The following ATG14 variants were observed in gnomAD, a reference collection of about 807,000 sequenced individuals.
The protein encoded by ATG14 is beclin 1-associated autophagy-related key regulator.
Under a neutral mutation model 60.4 loss-of-function variants are expected in ATG14, and 35 were observed. The observed-to-expected ratio is 0.58, with a 90% CI of 0.44 to 0.77. The LOEUF (loss-of-function observed/expected upper bound fraction) is 0.77. Among genes scored for constraint, ATG14 ranks in the 30% least tolerant of loss-of-function variants. ATG14 has a pLI of 0.00. For synonymous variants in ATG14, 234 were observed against 228.8 expected (o/e 1.02, Z -0.21); for missense variants, 647 against 626.3 (o/e 1.03, Z -0.35).
chr14:55,385,421 T>C (rs1476709345), intron 5 of ATG14, among the ~76,000 whole-genome samples: 1 of 152,142 alleles, frequency 6.6e-6, no homozygotes, highest in Non-Finnish European at 1.5e-5. Context: ...GCCACCTGAG[T>C]AGCTGGGACT....
intron 5 of ATG14, among the ~76,000 whole-genome samples, chr14:55,384,428 C>A (rs1265091334): frequency 6.6e-6 from 1 of 152,216 alleles, no homozygotes; most frequent in Admixed American, 6.5e-5. Context: ...AATTTACAGA[C>A]CTTATTCACC....
At chr14:55,397,103 G>A (rs1284959099) in intron 2 of ATG14, among the ~76,000 whole-genome samples, 5 of 152,130 alleles carry the variant, frequency 3.3e-5, no homozygotes, top group Non-Finnish European at 5.9e-5. Flanking sequence ...GACTGTCCTG[G>A]ACCCACACAT....
chr14:55,411,687 A>G lies in ATG14; in HGVS notation c.136T>C (p.Cys46Arg). ...LYVAVERCPL[C>R]NTTRRRLTCA... ...GTCAGCCGCCGGCGGGTAGTGTTGC[A>G]CAGCGGGCAGCGCTCCACAGCCACG... Residue 46 changes from cysteine (C) to arginine (R), a missense_variant, in exon 1 of 10, where the codon TGC becomes CGC. Physicochemically the swap from Cys to Arg is radical, Grantham distance 180. Transcript: ENST00000247178. 1 of 1,613,204 alleles carries G rather than the reference A, an allele frequency of 6.2e-7. No homozygotes were observed. Among genetic ancestry groups the G allele is most frequent in the African/African-American group, 1.3e-5 (1 of 75,048 alleles).
chr14:55,411,706 A>G lies in ATG14; in HGVS notation c.117T>C (p.Ala39=), dbSNP rs754892262. The change falls in exon 1 of 10, where the codon GCT becomes GCC. Residue 39 remains alanine, a synonymous_variant. Transcript: ENST00000247178. ...TGTTGCACAGCGGGCAGCGCTCCAC[A>G]GCCACGTACAGCCCCTCCGCATCGT... is the stretch of plus-strand genomic sequence containing the variant. The part of the protein sequence containing the change: ...SVDDAEGLYV[A]VERCPLCNTT... 1.2e-6 allele frequency: 2 copies of G among 1,612,634 alleles called. No individual in the cohort carries two copies. The highest frequency in any genetic ancestry group is 2.2e-5 in the South Asian group (2 of 90,858).
Position 55,367,819 on chromosome 14 carries a change from T to A in ATG14, c.*1800A>T, listed in dbSNP as rs559672610. ...ATGGAAAATTCATAGAGCCAAGGAA[T>A]TTGTGACTACCGGATAGAAATAAAC... On this transcript the variant is annotated 3_prime_UTR_variant, in exon 10 of 10. Transcript: ENST00000247178. 9 of 151,770 alleles carry A rather than the reference T, an allele frequency of 5.9e-5. No individual in the cohort carries two copies. The highest frequency in any genetic ancestry group is 2.9e-5 in the Non-Finnish European group (2 of 67,986). 9.4% of individuals were successfully genotyped at this position (151,770 alleles called of 1,614,324 possible).
In ATG14 at chr14:55,369,711, G is replaced by A; in HGVS notation, c.1387C>T (p.Pro463Ser). 1 of 1,610,894 alleles carries A rather than the reference G, an allele frequency of 6.2e-7. No homozygotes were observed. Among genetic ancestry groups the A allele is most frequent in the Non-Finnish European group, 8.5e-7 (1 of 1,177,764 alleles). ...VSQSQSTQAS[P>S]PIASSSAGGM... Reference sequence around the variant, plus strand: ...CCTGCACTGCTGCTCGCGATGGGTGGGGACGCCTGGGTGCTCTGACTCTGG... The same window carrying A: ...CCTGCACTGCTGCTCGCGATGGGTGAGGACGCCTGGGTGCTCTGACTCTGG... The change falls in exon 10 of 10, where the codon CCA becomes TCA. Residue 463 changes from proline (P) to serine (S), a missense_variant. Transcript: ENST00000247178.
chr14:55,378,601 G>GCCTCCCTCCCTT (rs1251620114), intron 7 of ATG14, among the ~76,000 whole-genome samples: 8 of 151,960 alleles, frequency 5.3e-5, no homozygotes, highest in African/African-American at 1.9e-4. Context: ...CTTGCTTGCT[G>GCCTCCCTCCCTT]CCTCCCTCCC....
At chr14:55,397,220 T>G in intron 2 of ATG14, 152 bp downstream of exon 2, 1 of 724,232 alleles carries the variant, frequency 1.4e-6, no homozygotes, top group Non-Finnish European at 2.4e-6. Flanking sequence ...CTGCTTTACC[T>G]CTCCCACATG....
At chr14:55,381,072 C>T (rs963504005) in intron 6 of ATG14, among the ~76,000 whole-genome samples, 1 of 151,876 alleles carries the variant, frequency 6.6e-6, no homozygotes, top group African/African-American at 2.4e-5. Context: ...TTCCTCTGTA[C>T]CCCATCCTGC....
In ATG14 at chr14:55,385,854, T is replaced by G. The variant is rs773204955; in HGVS notation, c.647+5A>C. On this transcript the variant is annotated splice_donor_5th_base_variant and intron_variant, in intron 5 of 9. Transcript: ENST00000247178. ...TCCTGGAGTCAAAAGACTTGCTTAA[T>G]GTACCTCACACCCGTCTTTACTTCC... 1 of 1,599,894 alleles carries G rather than the reference T, an allele frequency of 6.3e-7. No homozygotes were observed.
At chr14:55,374,921 A>T (rs1884889798) in intron 9 of ATG14, among the ~76,000 whole-genome samples, 1 of 152,246 alleles carries the variant, frequency 6.6e-6, no homozygotes, top group Admixed American at 6.5e-5. Context: ...TTTTAAATGG[A>T]CCAACCCCAT....
chr14:55,379,758 G>A (rs980636531), intron 7 of ATG14, among the ~76,000 whole-genome samples: 1 of 152,142 alleles, frequency 6.6e-6, no homozygotes, highest in African/African-American at 2.4e-5. Flanking sequence ...GTCTCATTCC[G>A]TCACTCAGGC....
intron 3 of ATG14, chr14:55,394,840 C>G (rs1000404609): frequency 3.2e-6 from 1 of 310,328 alleles, no homozygotes; most frequent in Admixed American, 4.2e-5. Flanking sequence ...CCCCCAACTA[C>G]GGAATGCTAA....
At chr14:55,398,368 A>C (rs1004254961) in intron 1 of ATG14, among the ~76,000 whole-genome samples, 3 of 152,154 alleles carry the variant, frequency 2.0e-5, no homozygotes, top group African/African-American at 7.2e-5. Context: ...ACTCAGGTCA[A>C]TTTTAAACTT....
chr14:55,411,752 C>G lies in ATG14; in HGVS notation c.71G>C (p.Arg24Pro), dbSNP rs769153270. 2 of 1,608,374 alleles carry G rather than the reference C, an allele frequency of 1.2e-6. No homozygotes were observed. Among genetic ancestry groups the G allele is most frequent in the Non-Finnish European group, 1.7e-6 (2 of 1,177,922 alleles). ...ATCGTCCACGGAGTCCACCAGGTCCCGGGCGAGCGGCCGGGGCCCGCAGCC... is the reference window on the plus strand; with the variant it reads ...ATCGTCCACGGAGTCCACCAGGTCCGGGGCGAGCGGCCGGGGCCCGCAGCC... ...APGCGPRPLA[R>P]DLVDSVDDAE... The change falls in exon 1 of 10, where the codon CGG (arginine) becomes CCG (proline). Residue 24 changes from arginine (R) to proline (P), a missense_variant. By Grantham distance (103) the Arg-to-Pro change is moderately radical. Transcript: ENST00000247178.
At chr14:55,379,577 T>C (rs988150979) in intron 7 of ATG14, among the ~76,000 whole-genome samples, 1 of 152,082 alleles carries the variant, frequency 6.6e-6, no homozygotes, top group African/African-American at 2.4e-5. Context: ...TTTAATTTTT[T>C]AAAAAAATTA....
At chr14:55,382,816 TA>T (rs1566579751) in intron 5 of ATG14, among the ~76,000 whole-genome samples, 1 of 152,204 alleles carries the variant, frequency 6.6e-6, no homozygotes. Context: ...TCTACGTGTT[TA>T]AAACACTTTG....
At chr14:55,390,334 G>A (rs1295279759) in intron 4 of ATG14, among the ~76,000 whole-genome samples, 1 of 152,022 alleles carries the variant, frequency 6.6e-6, no homozygotes. Context: ...GCCTCCCAAA[G>A]TGCTGGGATT....
Position 55,410,259 on chromosome 14 carries a change from G to GTA in ATG14, c.221+1342_221+1343insTA, listed in dbSNP as rs912510415. Among the ~76,000 whole-genome samples the GTA allele has an allele frequency of 1.1e-4, 17 of 152,330 alleles. No individual in the cohort carries two copies. In the Middle Eastern group the frequency reaches 0.01, roughly 91 times the overall value. ...AAGCAGCTGTTTTCTGGACTTTAGA[G>GTA]AAGACTAGGTTGGAGATACAAGTCT... On this transcript the variant is annotated intron_variant, in intron 1 of 9. Transcript: ENST00000247178.
Sources: allele counts gnomAD v4.1 joint callset (sites outside exome capture counted in the v4.1 genomes callset), GRCh38; gene constraint gnomAD v4.1.1; transcripts MANE v1.5; gene names NCBI Gene and HGNC (gene_info 2026-07-23, HGNC 2026-07-21).